LANCL2: variants seen among roughly 807,000 people sequenced by gnomAD.
LANCL2 encodes lanC-like protein 2.
Under a neutral mutation model 56.9 loss-of-function variants are expected in LANCL2, and 33 were observed. That is an observed-to-expected ratio of 0.58 (90% confidence interval 0.44 to 0.78). LANCL2 has a LOEUF of 0.78. LANCL2 is among the 30% of genes least tolerant of loss of function. LANCL2 has a pLI of 0.00. For missense variants in LANCL2, 562 were observed against 580.2 expected, an observed-to-expected ratio of 0.97 and a Z score of 0.32; for synonymous variants, 233 against 228.2, an observed-to-expected ratio of 1.02 and a Z score of -0.19.
intron 5 of LANCL2, 147 bp downstream of exon 5, chr7:55,401,467 T>C: frequency 2.1e-6 from 1 of 466,414 alleles, no homozygotes; most frequent in East Asian, 4.2e-5. Flanking sequence ...CCACAGGCAG[T>C]GGATTTCTAA....
chr7:55,376,128 A>G (rs2128991289), intron 1 of LANCL2, among the ~76,000 whole-genome samples: 1 of 152,206 alleles, frequency 6.6e-6, no homozygotes, highest in East Asian at 1.9e-4. Context: ...GCCTACCATA[A>G]AGGTTTCTAG....
chr7:55,419,663 A>G (rs973546055), intron 6 of LANCL2, among the ~76,000 whole-genome samples: 8 of 151,936 alleles, frequency 5.3e-5, no homozygotes, highest in South Asian at 2.1e-4. Context: ...CGGCCTCCCA[A>G]AGTGCTGGGA....
chr7:55,405,120 C>T (rs1236414342), intron 5 of LANCL2, among the ~76,000 whole-genome samples: 3 of 152,228 alleles, frequency 2.0e-5, no homozygotes, highest in Admixed American at 2.0e-4. Context: ...CTGTCATCTA[C>T]AGTCCTAAGA....
rs532941386 is a variant in LANCL2, at chr7:55,399,978, G to A, written c.552G>A (p.Ser184=). Residue 184 remains serine, a synonymous_variant, in exon 4 of 9, where the codon TCG becomes TCA. Transcript: ENST00000254770. ...CVTKLLQLQR[S]VVCQESDLPD... The stretch of plus-strand genomic sequence containing the variant: ...TTAGACTTTTGCAGCTCCAGAGATC[G>A]GTTGTCTGCCAAGAATCAGACCTTC... 8 of 1,612,558 alleles carry A rather than the reference G, an allele frequency of 5.0e-6. 1 individual carries two copies. In the Admixed American group the frequency reaches 8.3e-5, roughly 17 times the overall value.
intron 2 of LANCL2, 140 bp from the exon 3 acceptor site, chr7:55,398,283 G>A (rs1790279258): frequency 1.6e-6 from 1 of 632,680 alleles, no homozygotes; most frequent in Non-Finnish European, 2.8e-6. Context: ...AGAAATATAT[G>A]AAATGTATTG....
rs760386337 is a variant in LANCL2 at position 55,365,812 on chromosome 7, G to GCA, written c.-211_-210dup. On this transcript the variant is annotated 5_prime_UTR_variant, in exon 1 of 9. Transcript: ENST00000254770. The stretch of plus-strand genomic sequence containing the variant: ...CAAAGGCGCCAGGAACAGGGCAGAG[G>GCA]CACAGCGCCCACCGCCTCTGCGGCC... 2.2e-4 allele frequency: 96 copies of GCA among 441,032 alleles called. No homozygotes were observed. The highest frequency in any genetic ancestry group is 3.4e-4 in the Non-Finnish European group (84 of 249,078). The allele number at this position is 441,032 out of a possible 1,614,324, so 27.3% of individuals were successfully genotyped here.
chr7:55,387,341 A>G (rs543379435), intron 1 of LANCL2, among the ~76,000 whole-genome samples: 1 of 152,318 alleles, frequency 6.6e-6, no homozygotes, highest in East Asian at 1.9e-4. Flanking sequence ...GTTAATGTTG[A>G]CCTTCAAAAA....
chr7:55,430,617 T>C (rs1790717036), intron 8 of LANCL2, among the ~76,000 whole-genome samples: 1 of 152,220 alleles, frequency 6.6e-6, no homozygotes, highest in Non-Finnish European at 1.5e-5. Context: ...TTATTGTACG[T>C]GAATTTTACA....
At chr7:55,416,422 G>A (rs1389467738) in intron 6 of LANCL2, among the ~76,000 whole-genome samples, 1 of 152,060 alleles carries the variant, frequency 6.6e-6, no homozygotes, top group Non-Finnish European at 1.5e-5. Context: ...AGTAGCTGGG[G>A]ACTACAGGCA....
chr7:55,383,081 A>C (rs1366892882), intron 1 of LANCL2, among the ~76,000 whole-genome samples: 2 of 152,116 alleles, frequency 1.3e-5, no homozygotes, highest in Non-Finnish European at 2.9e-5. Context: ...ACATGGCAAA[A>C]CCCCGTCTCT....
intron 2 of LANCL2, among the ~76,000 whole-genome samples, chr7:55,398,129 A>G (rs890604868): frequency 6.6e-6 from 1 of 152,192 alleles, no homozygotes; most frequent in African/African-American, 2.4e-5. Flanking sequence ...ATGAGTAGGA[A>G]GTGATGTATC....
chr7:55,415,109 G>A (rs1790513284), intron 6 of LANCL2, among the ~76,000 whole-genome samples: 1 of 152,078 alleles, frequency 6.6e-6, no homozygotes, highest in East Asian at 1.9e-4. Flanking sequence ...AAAATCATGG[G>A]TAATGGTGGC....
intron 6 of LANCL2, among the ~76,000 whole-genome samples, chr7:55,416,661 A>G (rs1093253): frequency 0.054 from 8,277 of 151,930 alleles, 758 homozygotes; most frequent in African/African-American, 0.19. Flanking sequence ...AATTCTTTAT[A>G]TGTTCTGGTT....
intron 5 of LANCL2, among the ~76,000 whole-genome samples, chr7:55,408,081 ATAAT>A (rs1300666321): frequency 6.6e-6 from 1 of 152,262 alleles, no homozygotes; most frequent in Non-Finnish European, 1.5e-5. Flanking sequence ...ATAATAATTC[ATAAT>A]TAATATCCTC....
At position 55,398,467 on chromosome 7, in the gene LANCL2, C is replaced by G; in HGVS notation, c.367C>G (p.Gln123Glu). 6.2e-7 allele frequency: 1 copy of G among 1,614,112 alleles called. No homozygotes were observed. The highest frequency in any genetic ancestry group is 8.5e-7 in the Non-Finnish European group (1 of 1,180,024). Residue 123 changes from glutamine to glutamate, a missense_variant, in exon 3 of 9, where the codon CAA becomes GAA. Gln to Glu is a conservative substitution (Grantham distance 29). Transcript: ENST00000254770. ...YLQLYRVTCDQTYLLRSLDYV... is the reference protein window; with the variant it reads ...YLQLYRVTCDETYLLRSLDYV... ...GCAGTTGTACCGGGTCACATGTGAC[C>G]AAACCTACCTGCTCCGATCCCTGGA...
At chr7:55,414,353 G>A (rs909990648) in intron 6 of LANCL2, among the ~76,000 whole-genome samples, 1 of 152,144 alleles carries the variant, frequency 6.6e-6, no homozygotes, top group African/African-American at 2.4e-5. Context: ...AGTTGAGAGG[G>A]CCTCCATTTA....
rs145441104 is a variant in LANCL2 at position 55,372,064 on chromosome 7, A to G, written c.204+5835A>G. ...CCAAGGAACCACAGTCTGCATTTTA[A>G]CAAGATCCTCATGCCAGAGTACTCA... On this transcript the variant is annotated intron_variant, in intron 1 of 8. Coordinates refer to ENST00000254770, the MANE Select transcript of LANCL2 (RefSeq NM_018697.4). Among the ~76,000 whole-genome samples the G allele has an allele frequency of 6.6e-4, 101 of 152,364 alleles. 2 individuals are homozygous for G. The East Asian group carries it at 0.018, about 27-fold the overall frequency.
At chr7:55,406,519 T>C (rs1254926780) in intron 5 of LANCL2, among the ~76,000 whole-genome samples, 3 of 152,154 alleles carry the variant, frequency 2.0e-5, no homozygotes, top group African/African-American at 7.2e-5. Context: ...CCCCACCTCT[T>C]AGCCTGTCAT....
intron 5 of LANCL2, among the ~76,000 whole-genome samples, chr7:55,407,364 C>T (rs1583758476): frequency 6.6e-6 from 1 of 152,186 alleles, no homozygotes; most frequent in East Asian, 1.9e-4. Context: ...CTCCACCCCA[C>T]TCGGGGCTTG....
Sources: allele counts gnomAD v4.1 joint callset (sites outside exome capture counted in the v4.1 genomes callset), GRCh38; gene constraint gnomAD v4.1.1; transcripts MANE v1.5; gene names NCBI Gene and HGNC (gene_info 2026-07-23, HGNC 2026-07-21).